The following NRXN1 variants were observed in gnomAD, a reference collection of about 807,000 sequenced individuals.
NRXN1 encodes neurexin 1.
In NRXN1, 39 loss-of-function variants were observed where a neutral mutation model predicts 150.9. The ratio of observed to expected loss-of-function variants is 0.26; its 90% CI spans 0.20 to 0.34. The LOEUF is 0.34. Ranked by LOEUF, NRXN1 falls within the 10% of genes least tolerant of loss-of-function variation. The pLI is 1.00. For synonymous variants in NRXN1, 924 were observed against 757.0 expected (o/e 1.22, Z -3.62); for missense variants, 1,815 against 1,949.9 (o/e 0.93, Z 1.30).
chr2:50,101,615 A>G (rs1328327443), intron 18 of NRXN1, among the ~76,000 whole-genome samples: 1 of 152,082 alleles, frequency 6.6e-6, no homozygotes, highest in Non-Finnish European at 1.5e-5. Context: ...GGTAAAACAA[A>G]ATGAACCTTC....
chr2:50,920,633 G>C (rs1459678714), intron 5 of NRXN1, among the ~76,000 whole-genome samples: 1 of 151,638 alleles, frequency 6.6e-6, no homozygotes, highest in Non-Finnish European at 1.5e-5. Context: ...GCCCACTTAA[G>C]AGAACGCAGT....
chr2:50,746,770 A>G (rs1700078080), intron 5 of NRXN1, among the ~76,000 whole-genome samples: 1 of 152,052 alleles, frequency 6.6e-6, no homozygotes, highest in Non-Finnish European at 1.5e-5. Flanking sequence ...TGAAATTAGG[A>G]TGCATTTCAA....
rs77384275 is a variant in NRXN1 at position 50,910,980 on chromosome 2, G to T, written c.832+10889C>A. Among the ~76,000 whole-genome samples, 11 of 152,078 alleles carry T rather than the reference G, an allele frequency of 7.2e-5. No individual in the cohort carries two copies. In the East Asian group the frequency reaches 1.9e-3, roughly 27 times the overall value. ...GTTCCACTGACATTAAAAAATACTTGTCTGGTGTCCCCTATCATCAAATCC... is the reference window on the plus strand; with the variant it reads ...GTTCCACTGACATTAAAAAATACTTTTCTGGTGTCCCCTATCATCAAATCC... On this transcript the variant is annotated intron_variant, in intron 5 of 22. Transcript: ENST00000401669.
intron 2 of NRXN1, among the ~76,000 whole-genome samples, chr2:50,928,025 A>T (rs1177039610): frequency 6.6e-6 from 1 of 151,950 alleles, no homozygotes; most frequent in South Asian, 2.1e-4. Context: ...TCATGACCAT[A>T]GATACAAGCC....
intron 18 of NRXN1, among the ~76,000 whole-genome samples, chr2:50,134,163 C>T (rs553325154): frequency 1.3e-5 from 2 of 150,366 alleles, no homozygotes; most frequent in Non-Finnish European, 2.9e-5. Flanking sequence ...AGGAATATAA[C>T]TATAGACATG....
At chr2:51,005,593 G>A (rs537048840) in intron 2 of NRXN1, among the ~76,000 whole-genome samples, 1 of 151,822 alleles carries the variant, frequency 6.6e-6, no homozygotes, top group Non-Finnish European at 1.5e-5. Context: ...TTACCAACAT[G>A]AAAACATGCA....
intron 2 of NRXN1, among the ~76,000 whole-genome samples, chr2:50,988,692 AT>A (rs1662634891): frequency 6.6e-6 from 1 of 152,006 alleles, no homozygotes; most frequent in Non-Finnish European, 1.5e-5. Context: ...GAGATAACTC[AT>A]TGATATAGCA....
intron 5 of NRXN1, among the ~76,000 whole-genome samples, chr2:50,638,674 A>G (rs548909222): frequency 1.3e-5 from 2 of 152,190 alleles, no homozygotes; most frequent in Non-Finnish European, 2.9e-5. Flanking sequence ...TTTCTTTTCT[A>G]CTTGTGGGTA....
intron 5 of NRXN1, among the ~76,000 whole-genome samples, chr2:50,792,118 T>C (rs778233206): frequency 3.9e-5 from 6 of 152,162 alleles, no homozygotes; most frequent in Admixed American, 1.3e-4. Flanking sequence ...TCAGGGTCTC[T>C]ATAACTAATT....
chr2:50,218,610 G>C (rs2063568286), intron 18 of NRXN1, among the ~76,000 whole-genome samples: 1 of 148,240 alleles, frequency 6.7e-6, no homozygotes, highest in Non-Finnish European at 1.5e-5. Flanking sequence ...AAATAAGTTT[G>C]TTTATCTTGG....
chr2:50,485,431 C>T (rs1483778616), intron 15 of NRXN1, among the ~76,000 whole-genome samples: 2 of 152,234 alleles, frequency 1.3e-5, no homozygotes, highest in African/African-American at 4.8e-5. Context: ...AGCTCCAAGC[C>T]TAGCAAGGCA....
intron 17 of NRXN1, among the ~76,000 whole-genome samples, chr2:50,410,105 C>T (rs2104058972): frequency 6.6e-6 from 1 of 152,204 alleles, no homozygotes; most frequent in East Asian, 1.9e-4. Flanking sequence ...CCCTCCTGCT[C>T]CCCTACATAC....
chr2:50,621,411 T>A (rs1487524312), intron 6 of NRXN1, among the ~76,000 whole-genome samples, 162 bp from the exon 7 acceptor site: 1 of 152,114 alleles, frequency 6.6e-6, no homozygotes, highest in African/African-American at 2.4e-5. Flanking sequence ...TTATTAAGCA[T>A]GTTAGTAACA....
chr2:50,907,473 G>T (rs1053097669), intron 5 of NRXN1, among the ~76,000 whole-genome samples: 1 of 152,024 alleles, frequency 6.6e-6, no homozygotes, highest in Admixed American at 6.6e-5. Flanking sequence ...GTGAGAAAAA[G>T]ATGCCCTTAT....
intron 5 of NRXN1, among the ~76,000 whole-genome samples, chr2:50,665,009 T>C (rs1687822105): frequency 6.6e-6 from 1 of 152,024 alleles, no homozygotes; most frequent in Non-Finnish European, 1.5e-5. Flanking sequence ...GTATCAAATG[T>C]GATAAACTAA....
chr2:50,310,828 C>T (rs1386809092), intron 17 of NRXN1, among the ~76,000 whole-genome samples: 1 of 152,126 alleles, frequency 6.6e-6, no homozygotes, highest in African/African-American at 2.4e-5. Flanking sequence ...ATTAACACAG[C>T]AGACAGAAAG....
intron 21 of NRXN1, among the ~76,000 whole-genome samples, chr2:50,004,059 G>A (rs1357826891): frequency 6.6e-6 from 1 of 152,112 alleles, no homozygotes; most frequent in African/African-American, 2.4e-5. Context: ...GTTGGTGAAA[G>A]GGAGGTGAGG....
At chr2:50,782,433 C>T (rs1011703170) in intron 5 of NRXN1, among the ~76,000 whole-genome samples, 2 of 151,962 alleles carry the variant, frequency 1.3e-5, no homozygotes, top group Non-Finnish European at 2.9e-5. Context: ...CATGCCACTG[C>T]ACTCCAGCCT....
At chr2:50,183,048 G>T (rs938929307) in intron 18 of NRXN1, among the ~76,000 whole-genome samples, 2 of 151,986 alleles carry the variant, frequency 1.3e-5, no homozygotes, top group African/African-American at 2.4e-5. Flanking sequence ...ATTAAGTATA[G>T]GCATTAAGGA....
Sources: gnomAD v4.1 joint callset for allele counts (sites outside exome capture counted in the v4.1 genomes callset) on GRCh38, gnomAD v4.1.1 for gene constraint, MANE v1.5 for transcripts, NCBI Gene and HGNC (gene_info 2026-07-23, HGNC 2026-07-21) for gene names.